Variants in NTN1 observed in about 807,000 individuals in gnomAD.
NTN1 encodes the protein netrin 1, also known as netrin-1.
NTN1 carries 11 observed loss-of-function variants against 54.2 expected under a neutral mutation model. The ratio of observed to expected loss-of-function variants is 0.20; its 90% CI spans 0.13 to 0.34. NTN1 has a LOEUF of 0.34. NTN1 is among the 10% of genes least tolerant of loss of function. The pLI is 1.00. For synonymous variants in NTN1, 371 were observed against 382.0 expected (o/e 0.97, Z 0.33); for missense variants, 740 against 893.1 (o/e 0.83, Z 2.18).
At chr17:9,050,535 C>T (rs181062485) in intron 2 of NTN1, among the ~76,000 whole-genome samples, 1,533 of 150,470 alleles carry the variant, frequency 0.01, 27 homozygotes, top group African/African-American at 0.033. Flanking sequence ...CCAGGCATGG[C>T]GGTGCACGCC....
At chr17:9,237,763 G>A (rs187515852) in intron 6 of NTN1, among the ~76,000 whole-genome samples, 1 of 152,180 alleles carries the variant, frequency 6.6e-6, no homozygotes, top group Non-Finnish European at 1.5e-5. Flanking sequence ...CCATTGCTTA[G>A]CTAAGGGGCA....
chr17:9,235,005 C>T (rs1048865170), intron 6 of NTN1, among the ~76,000 whole-genome samples: 4 of 142,200 alleles, frequency 2.8e-5, no homozygotes, highest in African/African-American at 1.1e-4. Flanking sequence ...TCCTGTTGCC[C>T]AGGCTGGAGT....
At chr17:9,197,183 A>C (rs1054669419) in intron 5 of NTN1, among the ~76,000 whole-genome samples, 3 of 152,154 alleles carry the variant, frequency 2.0e-5, no homozygotes, top group East Asian at 3.9e-4. Flanking sequence ...CACATCTGAC[A>C]GATGGGGAGA....
At chr17:9,030,398 G>A (rs79137831) in intron 2 of NTN1, among the ~76,000 whole-genome samples, 1 of 152,236 alleles carries the variant, frequency 6.6e-6, no homozygotes, top group African/African-American at 2.4e-5. Flanking sequence ...TACAGTTAGG[G>A]TGAAATGAAT....
intron 2 of NTN1, among the ~76,000 whole-genome samples, chr17:9,028,571 A>G (rs1286976080): frequency 6.6e-6 from 1 of 152,162 alleles, no homozygotes; most frequent in Non-Finnish European, 1.5e-5. Flanking sequence ...TCCTCAGAAA[A>G]CTATTTGAGA....
chr17:9,093,054 A>G (rs911399453), intron 2 of NTN1, among the ~76,000 whole-genome samples: 43 of 151,878 alleles, frequency 2.8e-4, no homozygotes, highest in East Asian at 1.9e-3. Flanking sequence ...CACTGCGCCC[A>G]GCCAATTTTT....
At chr17:9,209,379 C>T (rs1274014958) in intron 5 of NTN1, among the ~76,000 whole-genome samples, 1 of 152,178 alleles carries the variant, frequency 6.6e-6, no homozygotes, top group Non-Finnish European at 1.5e-5. Context: ...AGGGTTTGCT[C>T]TTGAGGAAGA....
chr17:9,079,252 C>T (rs8079571), intron 2 of NTN1, among the ~76,000 whole-genome samples: 2 of 151,986 alleles, frequency 1.3e-5, no homozygotes, highest in African/African-American at 2.4e-5. Flanking sequence ...ACCATTCTTG[C>T]GGGGTAGGAG....
intron 5 of NTN1, among the ~76,000 whole-genome samples, chr17:9,200,794 G>C (rs1215045635): frequency 6.6e-6 from 1 of 152,198 alleles, no homozygotes; most frequent in Non-Finnish European, 1.5e-5. Context: ...ATCCTCAAGG[G>C]ACTGGTGTAC....
chr17:9,164,190 C>G (rs1288856764), intron 3 of NTN1, among the ~76,000 whole-genome samples: 2 of 152,128 alleles, frequency 1.3e-5, no homozygotes, highest in Admixed American at 6.5e-5. Flanking sequence ...TTTGGGAGGC[C>G]AAGACGGGCG....
rs1422562774 is a variant in NTN1 at position 9,021,510 on chromosome 17, A to G, written c.-139A>G. The G allele has an allele frequency of 4.6e-5, 7 of 150,636 alleles. No homozygotes were observed. The highest frequency in any genetic ancestry group is 1.5e-4 in the African/African-American group (6 of 40,834). The allele number at this position is 150,636 out of a possible 1,614,324, so 9.3% of individuals were successfully genotyped here. A position where few individuals can be genotyped will look rare whatever the true frequency, so the allele number is the denominator to read the frequency against. ...GCCCCCGCGCTCCCCTCCGCCCCTC[A>G]CTCCCAGCGCGAGTGGCGGCGGCGG... On this transcript the variant is annotated 5_prime_UTR_variant, in exon 1 of 7. Coordinates refer to ENST00000173229, the MANE Select transcript of NTN1 (RefSeq NM_004822.3).
chr17:9,221,131 T>G lies in NTN1; in HGVS notation c.1412-37T>G, dbSNP rs1157821502. The stretch of plus-strand genomic sequence containing the variant: ...CCAGCCTATTCATCGCCAGCCTAAT[T>G]AGTTTTTGTCTGTGCTCCCCCCCCA... On this transcript the variant is annotated intron_variant, in intron 5 of 6. Transcript: ENST00000173229. The surrounding 1 kb of genome is among the most constrained non-coding windows in gnomAD (Gnocchi z 4.5). The G allele has an allele frequency of 7.1e-7, 1 of 1,409,526 alleles. No individual in the cohort carries two copies. The highest frequency in any genetic ancestry group is 1.7e-5 in the Admixed American group (1 of 59,510). The allele number at this position is 1,409,526 out of a possible 1,614,324, so 87.3% of individuals were successfully genotyped here. A position where few individuals can be genotyped will look rare whatever the true frequency, so the allele number is the denominator to read the frequency against.
chr17:9,094,451 G>A (rs1567708985), intron 2 of NTN1, among the ~76,000 whole-genome samples: 1 of 151,994 alleles, frequency 6.6e-6, no homozygotes, highest in Non-Finnish European at 1.5e-5. Flanking sequence ...ATATATGTAT[G>A]TACGAATATA....
intron 3 of NTN1, chr17:9,174,873 G>C (rs2092395981): frequency 6.5e-6 from 1 of 153,108 alleles, no homozygotes; most frequent in African/African-American, 2.4e-5. Flanking sequence ...GGCTGTGGTG[G>C]TGTCTGAAGT....
At chr17:9,034,617 T>C (rs567376460) in intron 2 of NTN1, among the ~76,000 whole-genome samples, 1 of 151,724 alleles carries the variant, frequency 6.6e-6, no homozygotes, top group Admixed American at 6.6e-5. Context: ...GAGACGGGGT[T>C]TCACCATGCT....
chr17:9,038,759 G>T (rs1246749300), intron 2 of NTN1, among the ~76,000 whole-genome samples: 1 of 151,862 alleles, frequency 6.6e-6, no homozygotes, highest in Non-Finnish European at 1.5e-5. Context: ...AGCACCTGGG[G>T]ATTTCCTTTT....
At chr17:9,138,301 T>C (rs554585934) in intron 2 of NTN1, among the ~76,000 whole-genome samples, 30 of 152,312 alleles carry the variant, frequency 2.0e-4, no homozygotes, top group African/African-American at 6.5e-4. Context: ...GAAGCTCAAA[T>C]AGACCTCATA....
At chr17:9,057,687 T>C (rs1038695346) in intron 2 of NTN1, among the ~76,000 whole-genome samples, 2 of 152,240 alleles carry the variant, frequency 1.3e-5, no homozygotes, top group Admixed American at 1.3e-4. Flanking sequence ...GCAGGATTGC[T>C]GCCCCACTGG....
intron 2 of NTN1, among the ~76,000 whole-genome samples, chr17:9,162,451 GTCTC>G (rs141599299): frequency 0.016 from 2,431 of 152,270 alleles, 71 homozygotes; most frequent in African/African-American, 0.056. Context: ...GCGTCCCTGC[GTCTC>G]TCTGTGTCCT....
Sources: gnomAD v4.1 joint callset for allele counts (sites outside exome capture counted in the v4.1 genomes callset) on GRCh38, gnomAD v4.1.1 for gene constraint, Gnocchi (gnomAD v3.1) non-coding constraint, MANE v1.5 for transcripts, NCBI Gene and HGNC (gene_info 2026-07-23, HGNC 2026-07-21) for gene names.